Variants in SND1 observed in about 807,000 individuals in gnomAD.
The protein encoded by SND1 is staphylococcal nuclease and tudor domain containing 1, also known as staphylococcal nuclease domain-containing protein 1.
SND1 carries 38 observed loss-of-function variants against 121.7 expected under a neutral mutation model. The observed-to-expected ratio is 0.31, with a 90% CI of 0.24 to 0.41. The LOEUF is 0.41. SND1 is among the 10% of genes least tolerant of loss of function. The pLI is 1.00. For synonymous variants in SND1, 401 were observed against 447.4 expected, an observed-to-expected ratio of 0.90 and a Z score of 1.31; for missense variants, 868 against 1,184.6, an observed-to-expected ratio of 0.73 and a Z score of 3.92.
chr7:127,783,039 A>G (rs1166678387), intron 10 of SND1, among the ~76,000 whole-genome samples: 2 of 152,334 alleles, frequency 1.3e-5, no homozygotes, highest in East Asian at 3.9e-4. Flanking sequence ...TCATGGTAAG[A>G]TTCTGCACAT....
At chr7:127,952,236 ATTGCTTAGCAGGTT>A (rs1194428638) in intron 15 of SND1, among the ~76,000 whole-genome samples, 1 of 152,200 alleles carries the variant, frequency 6.6e-6, no homozygotes, top group African/African-American at 2.4e-5. Flanking sequence ...ATATAAGTTT[ATTGCTTAGCAGGTT>A]TTGATCTTGA....
At chr7:127,793,020 A>T (rs1797941867) in intron 10 of SND1, among the ~76,000 whole-genome samples, 1 of 152,262 alleles carries the variant, frequency 6.6e-6, no homozygotes, top group African/African-American at 2.4e-5. Flanking sequence ...GGAAAAGTTT[A>T]GAAAGATCAG....
chr7:127,909,852 G>A (rs1240122722), intron 14 of SND1, among the ~76,000 whole-genome samples: 1 of 152,178 alleles, frequency 6.6e-6, no homozygotes, highest in South Asian at 2.1e-4. Context: ...TTACAGAGTT[G>A]ACCAGTAGGA....
intron 13 of SND1, among the ~76,000 whole-genome samples, chr7:127,895,953 G>A (rs562996594): frequency 2.6e-5 from 4 of 152,162 alleles, no homozygotes; most frequent in African/African-American, 7.2e-5. Context: ...ATTCATGAGG[G>A]GCTGGGGTAT....
chr7:127,744,418 TCA>T (rs1653143414), intron 10 of SND1, among the ~76,000 whole-genome samples: 1 of 152,200 alleles, frequency 6.6e-6, no homozygotes, highest in African/African-American at 2.4e-5. Flanking sequence ...GCTAGGTACG[TCA>T]CAGTTTTTAT....
intron 15 of SND1, among the ~76,000 whole-genome samples, chr7:127,950,662 G>A (rs1406829063): frequency 3.3e-5 from 5 of 151,984 alleles, no homozygotes; most frequent in East Asian, 3.9e-4. Flanking sequence ...GCCCAGATTC[G>A]CCCTTGTTTG....
chr7:127,837,365 C>T (rs1798886388), intron 11 of SND1, among the ~76,000 whole-genome samples: 1 of 152,106 alleles, frequency 6.6e-6, no homozygotes, highest in African/African-American at 2.4e-5. Flanking sequence ...TATATATTGA[C>T]ACGATGTTTT....
intron 16 of SND1, among the ~76,000 whole-genome samples, chr7:128,059,340 T>C (rs569881050): frequency 6.6e-6 from 1 of 152,350 alleles, no homozygotes. Flanking sequence ...CTTTATCGTG[T>C]CTTCTCATCT....
chr7:127,761,939 T>C (rs1374637589), intron 10 of SND1, among the ~76,000 whole-genome samples: 1 of 152,212 alleles, frequency 6.6e-6, no homozygotes, highest in Non-Finnish European at 1.5e-5. Flanking sequence ...CAGAAATTAA[T>C]TGATGTAAGA....
chr7:127,723,915 C>T (rs1796539589), intron 10 of SND1, among the ~76,000 whole-genome samples: 1 of 152,210 alleles, frequency 6.6e-6, no homozygotes, highest in Non-Finnish European at 1.5e-5. Flanking sequence ...AGACGTTCTT[C>T]CCCTTTTTAA....
At chr7:127,875,956 A>G (rs192064075) in intron 12 of SND1, among the ~76,000 whole-genome samples, 144 of 152,162 alleles carry the variant, frequency 9.5e-4, no homozygotes, top group Admixed American at 2.4e-3. Flanking sequence ...TCTGTGCTTC[A>G]GGTTTCTCAT....
intron 15 of SND1, among the ~76,000 whole-genome samples, chr7:127,962,108 A>T (rs1053334952): frequency 6.6e-6 from 1 of 152,248 alleles, no homozygotes; most frequent in Non-Finnish European, 1.5e-5. Context: ...AAGAAAAAGT[A>T]TTCCAGAGAG....
chr7:127,893,947 A>G (rs1421658190), intron 13 of SND1, among the ~76,000 whole-genome samples: 1 of 152,046 alleles, frequency 6.6e-6, no homozygotes, highest in South Asian at 2.1e-4. Flanking sequence ...TCCAAACCCC[A>G]TAAGCACCAG....
At chr7:127,811,899 AT>A (rs968994133) in intron 11 of SND1, among the ~76,000 whole-genome samples, 3 of 151,776 alleles carry the variant, frequency 2.0e-5, no homozygotes, top group South Asian at 2.1e-4. Context: ...GAAGTAGACT[AT>A]TTTTTTTGGT....
At chr7:127,806,812 A>G (rs1798246598) in intron 10 of SND1, among the ~76,000 whole-genome samples, 1 of 152,158 alleles carries the variant, frequency 6.6e-6, no homozygotes, top group Admixed American at 6.5e-5. Flanking sequence ...TACAAAAATT[A>G]GCTGGGTGTG....
chr7:128,008,623 T>G lies in SND1; in HGVS notation c.1779+17567T>G, dbSNP rs145358152. On this transcript the variant is annotated intron_variant, in intron 16 of 23. Coordinates refer to ENST00000354725, the MANE Select transcript of SND1 (RefSeq NM_014390.4). ...GGTCAAGTTGAGGCAGGGCACAGGG[T>G]GGGCCCATGAGTGCCATCCCTTTCC... is the stretch of plus-strand genomic sequence containing the variant. 3.0e-3 allele frequency among the ~76,000 whole-genome samples: 456 copies of G among 152,242 alleles called. 6 individuals are homozygous for G. The highest frequency in any genetic ancestry group is 0.026 in the Admixed American group (404 of 15,294).
rs1300394377 is a variant in SND1, at chr7:127,688,745, A to C, written c.228+1983A>C. Among the ~76,000 whole-genome samples the C allele has an allele frequency of 2.6e-5, 4 of 151,498 alleles. No homozygotes were observed. The East Asian group carries it at 7.8e-4, about 29-fold the overall frequency. ...TAAAAAAAAATAATAAAAAAAAAAA[A>C]GCAAAATTTCTGGATTCCAATTATT... On this transcript the variant is annotated intron_variant, in intron 2 of 23. Coordinates refer to ENST00000354725, the MANE Select transcript of SND1 (RefSeq NM_014390.4).
intron 13 of SND1, among the ~76,000 whole-genome samples, chr7:127,894,383 TAAAA>T (rs879884918): frequency 7.1e-6 from 1 of 141,434 alleles, no homozygotes. Context: ...ATGTGTGCCT[TAAAA>T]AAAAAAAAAA....
At chr7:128,051,499 G>A (rs1159886633) in intron 16 of SND1, among the ~76,000 whole-genome samples, 2 of 152,168 alleles carry the variant, frequency 1.3e-5, no homozygotes, top group Non-Finnish European at 2.9e-5. Context: ...GTAGCTAACA[G>A]TGTGAAGTGA....
Sources: allele counts gnomAD v4.1 joint callset (sites outside exome capture counted in the v4.1 genomes callset), GRCh38; gene constraint gnomAD v4.1.1; transcripts MANE v1.5; gene names NCBI Gene and HGNC (gene_info 2026-07-23, HGNC 2026-07-21).